The following ARK2N variants were observed in gnomAD, a reference collection of about 807,000 sequenced individuals.
ARK2N encodes protein ARK2N.
chr18:46,251,119 T>C, the ARK2N span, among the ~76,000 whole-genome samples: 3 of 152,276 alleles, frequency 2.0e-5, no homozygotes, highest in East Asian at 1.9e-4. Flanking sequence ...TACAAACAAA[T>C]AAAGTAAACA....
chr18:46,222,676 A>G, the ARK2N span, among the ~76,000 whole-genome samples: 1 of 152,138 alleles, frequency 6.6e-6, no homozygotes, highest in Non-Finnish European at 1.5e-5. Flanking sequence ...TTAAGGTGAG[A>G]ATGTGGTCCC....
At chr18:46,234,720 A>T in the ARK2N span, among the ~76,000 whole-genome samples, 1 of 151,840 alleles carries the variant, frequency 6.6e-6, no homozygotes, top group African/African-American at 2.4e-5. Flanking sequence ...CACTGTCTGG[A>T]TTGAGGCTAA....
At chr18:46,261,275 CA>C in the ARK2N span, among the ~76,000 whole-genome samples, 1 of 152,188 alleles carries the variant, frequency 6.6e-6, no homozygotes. Flanking sequence ...GCATTGGACC[CA>C]AAATCAGACC....
chr18:46,208,082 A>G, the ARK2N span, among the ~76,000 whole-genome samples: 1 of 152,154 alleles, frequency 6.6e-6, no homozygotes, highest in Non-Finnish European at 1.5e-5. Flanking sequence ...AAAAACATAT[A>G]CCTATATACC....
the ARK2N span, chr18:46,263,168 C>T: frequency 5.4e-6 from 8 of 1,486,142 alleles, no homozygotes; most frequent in Middle Eastern, 3.4e-4. Context: ...CTTCCTCATC[C>T]TCTTTGTGAC....
the ARK2N span, among the ~76,000 whole-genome samples, chr18:46,222,686 CTTT>C: frequency 3.3e-5 from 5 of 152,042 alleles, no homozygotes. Flanking sequence ...AATGTGGTCC[CTTT>C]TTTTGTCATT....
the ARK2N span, among the ~76,000 whole-genome samples, chr18:46,177,265 T>C: frequency 2.0e-5 from 3 of 151,780 alleles, no homozygotes; most frequent in Non-Finnish European, 4.4e-5. Flanking sequence ...GGATAAAATA[T>C]TTGTAAGGGG....
chr18:46,177,505 C>A, the ARK2N span, among the ~76,000 whole-genome samples: 1 of 144,758 alleles, frequency 6.9e-6, no homozygotes, highest in South Asian at 2.2e-4. Flanking sequence ...GGTCTTGGCT[C>A]ACTGCAAACT....
chr18:46,227,663 A>T, the ARK2N span, among the ~76,000 whole-genome samples: 3 of 151,962 alleles, frequency 2.0e-5, no homozygotes, highest in Non-Finnish European at 2.9e-5. Context: ...AATGGCACGA[A>T]CCCGACTCAC....
the ARK2N span, among the ~76,000 whole-genome samples, chr18:46,261,857 G>A: frequency 6.6e-6 from 1 of 152,300 alleles, no homozygotes; most frequent in Non-Finnish European, 1.5e-5. Flanking sequence ...GGTCCTTGGG[G>A]CAGTTTTGCA....
At chr18:46,252,449 A>G in the ARK2N span, among the ~76,000 whole-genome samples, 3 of 151,692 alleles carry the variant, frequency 2.0e-5, no homozygotes, top group Non-Finnish European at 2.9e-5. Context: ...TAATTTTTGT[A>G]TTTTTAGTAG....
At chr18:46,182,683 C>CTTTTT in the ARK2N span, among the ~76,000 whole-genome samples, 30 of 87,806 alleles carry the variant, frequency 3.4e-4, no homozygotes, top group Admixed American at 5.7e-4. Flanking sequence ...AGCCACAGTG[C>CTTTTT]TTTTTTTTTT....
chr18:46,178,893 CA>C, the ARK2N span, among the ~76,000 whole-genome samples: 70 of 141,412 alleles, frequency 5.0e-4, 1 homozygote, highest in African/African-American at 1.3e-3. Context: ...GACTCTTTCT[CA>C]AAAAAAAAAA....
chr18:46,239,936 C>T, the ARK2N span: 4 of 1,445,168 alleles, frequency 2.8e-6, no homozygotes, highest in Non-Finnish European at 3.9e-6. Flanking sequence ...TTAGAGGGCT[C>T]TTACTAGTTT....
the ARK2N span, among the ~76,000 whole-genome samples, chr18:46,244,853 G>C: frequency 2.6e-5 from 4 of 151,742 alleles, no homozygotes; most frequent in South Asian, 6.3e-4. Flanking sequence ...CGCCTGTCTT[G>C]GCCTCCCGAA....
the ARK2N span, among the ~76,000 whole-genome samples, chr18:46,260,031 T>G: frequency 2.0e-5 from 3 of 151,678 alleles, no homozygotes; most frequent in African/African-American, 7.3e-5. Context: ...ATTCTGACTT[T>G]TATTGATAGT....
At chr18:46,186,858 C>T in the ARK2N span, among the ~76,000 whole-genome samples, 2 of 129,948 alleles carry the variant, frequency 1.5e-5, no homozygotes, top group Admixed American at 1.6e-4. Flanking sequence ...CTTACTACTA[C>T]TTTTTTTTTT....
chr18:46,207,482 T>C, the ARK2N span, among the ~76,000 whole-genome samples: 106,796 of 150,266 alleles, frequency 0.71, 38,204 homozygotes, highest in Middle Eastern at 0.76. Context: ...TTCTGCCTTC[T>C]GGGTTCAAGC....
the ARK2N span, among the ~76,000 whole-genome samples, chr18:46,242,173 C>A: frequency 1.3e-5 from 2 of 152,112 alleles, no homozygotes; most frequent in Non-Finnish European, 2.9e-5. Context: ...GTCATCCATT[C>A]CACTTCAGTT....
Sources: gnomAD v4.1 joint callset for allele counts (sites outside exome capture counted in the v4.1 genomes callset) on GRCh38, gnomAD v4.1.1 for gene constraint, MANE v1.5 for transcripts, NCBI Gene and HGNC (gene_info 2026-07-23, HGNC 2026-07-21) for gene names.